The following USH2A variants were observed in gnomAD, a reference collection of about 807,000 sequenced individuals.
The protein encoded by USH2A is usherin, also known as Usher syndrome 2A (autosomal recessive, mild).
USH2A carries 443 observed loss-of-function variants against 538.9 expected under a neutral mutation model. The ratio of observed to expected loss-of-function variants is 0.82; its 90% confidence interval spans 0.76 to 0.89. USH2A has a LOEUF of 0.89. Among genes scored for constraint, USH2A ranks in the 40% least tolerant of loss-of-function variants. USH2A has a pLI of 0.00. For synonymous variants in USH2A, 2,413 were observed against 2,273.5 expected, an observed-to-expected ratio of 1.06 and a Z score of -1.75; for missense variants, 6,633 against 6,324.8, an observed-to-expected ratio of 1.05 and a Z score of -1.65.
intron 3 of USH2A, among the ~76,000 whole-genome samples, chr1:216,386,718 G>A (rs1007324565): frequency 1.3e-5 from 2 of 151,118 alleles, no homozygotes; most frequent in South Asian, 2.1e-4. Flanking sequence ...AGCCTGGCGT[G>A]GTGACGGGCA....
chr1:216,102,448 T>C (rs1379125314), intron 21 of USH2A, among the ~76,000 whole-genome samples: 1 of 151,528 alleles, frequency 6.6e-6, no homozygotes, highest in Non-Finnish European at 1.5e-5. Context: ...ACATGCAACA[T>C]TCATAAACTA....
intron 2 of USH2A, 46 bp from the exon 3 acceptor site, chr1:216,418,725 A>C: frequency 6.2e-7 from 1 of 1,604,474 alleles, no homozygotes; most frequent in Non-Finnish European, 8.5e-7. Flanking sequence ...CATCCAACCA[A>C]AAAGACATGC....
intron 11 of USH2A, among the ~76,000 whole-genome samples, chr1:216,269,194 G>C (rs73098664): frequency 1.8e-4 from 28 of 152,090 alleles, no homozygotes; most frequent in Non-Finnish European, 3.1e-4. Flanking sequence ...TATGTGTTGT[G>C]GGGGGAGACC....
chr1:216,065,921 T>A (rs1256136917), intron 30 of USH2A, among the ~76,000 whole-genome samples: 2 of 150,932 alleles, frequency 1.3e-5, no homozygotes, highest in East Asian at 1.9e-4. Flanking sequence ...TAAAATAAAA[T>A]AAAAAATAAA....
At position 216,247,073 on chromosome 1, in the gene USH2A, C is replaced by T. The variant is rs1558342019; in HGVS notation, c.2321G>A (p.Gly774Glu). 2.5e-6 allele frequency: 4 copies of T among 1,613,988 alleles called. No homozygotes were observed. The highest frequency in any genetic ancestry group is 1.1e-5 in the South Asian group (1 of 91,086). ...TTCTCTGCAGGTGTCACACTGAAGT[C>T]CTTTGGCTTCTTTTTTGCACTCACA... ...GQCECKKEAK[G>E]LQCDTCRENF... Residue 774 changes from glycine to glutamate, a missense_variant, in exon 13 of 72, where the codon GGA becomes GAA. Coordinates refer to ENST00000307340, the MANE Select transcript of USH2A (RefSeq NM_206933.4).
intron 58 of USH2A, among the ~76,000 whole-genome samples, chr1:215,752,055 T>C (rs1476343244): frequency 6.6e-6 from 1 of 152,150 alleles, no homozygotes; most frequent in Admixed American, 6.6e-5. Flanking sequence ...TGTTTGTCAT[T>C]AAAGAAGAAA....
At chr1:216,101,769 T>C (rs1268540149) in intron 21 of USH2A, among the ~76,000 whole-genome samples, 3 of 152,228 alleles carry the variant, frequency 2.0e-5, no homozygotes, top group Non-Finnish European at 2.9e-5. Context: ...GTTTAAACAA[T>C]AGAGCATTTC....
chr1:216,023,506 AT>A (rs1668894339), intron 32 of USH2A, among the ~76,000 whole-genome samples: 1 of 149,062 alleles, frequency 6.7e-6, no homozygotes, highest in Non-Finnish European at 1.5e-5. Flanking sequence ...GACACAAAAG[AT>A]AGAGTGAGAT....
At chr1:215,685,621 G>A (rs914905650) in intron 61 of USH2A, among the ~76,000 whole-genome samples, 2 of 152,014 alleles carry the variant, frequency 1.3e-5, no homozygotes, top group African/African-American at 4.8e-5. Context: ...GCCTCCCAAA[G>A]TGCTGGGATT....
At chr1:216,205,399 A>G (rs2035089108) in intron 16 of USH2A, among the ~76,000 whole-genome samples, 1 of 152,216 alleles carries the variant, frequency 6.6e-6, no homozygotes, top group Non-Finnish European at 1.5e-5. Context: ...TGCAATCTGC[A>G]TCATGAAGTT....
intron 36 of USH2A, among the ~76,000 whole-genome samples, chr1:215,967,130 A>G (rs1043783806): frequency 2.0e-5 from 3 of 152,206 alleles, no homozygotes; most frequent in Non-Finnish European, 2.9e-5. Context: ...ATTTGAGAGC[A>G]AATGTGCAAT....
chr1:216,203,488 C>A (rs114436354), intron 16 of USH2A, among the ~76,000 whole-genome samples: 1 of 151,962 alleles, frequency 6.6e-6, no homozygotes, highest in Non-Finnish European at 1.5e-5. Flanking sequence ...ACATTGTTGA[C>A]CATGAGTAAC....
At position 216,246,783 on chromosome 1, in the gene USH2A, T is replaced by C. The variant is rs1572088345; in HGVS notation, c.2611A>G (p.Lys871Glu). ...CAGCGAAGACCTGTTACCCCTAATT[T>C]GCAAGGACATTGTCCTGTTGATTTG... is the stretch of plus-strand genomic sequence containing the variant. ...CNKSTGQCPC[K>E]LGVTGLRCNQ... The change falls in exon 13 of 72, where the codon AAA becomes GAA. Residue 871 changes from lysine to glutamate, a missense_variant. Physicochemically the swap from Lys to Glu is moderately conservative, Grantham distance 56. Transcript: ENST00000307340. 1.9e-6 allele frequency: 3 copies of C among 1,614,142 alleles called. No individual in the cohort carries two copies. The highest frequency in any genetic ancestry group is 2.2e-5 in the East Asian group (1 of 44,880).
intron 47 of USH2A, among the ~76,000 whole-genome samples, chr1:215,824,547 C>T (rs936040028): frequency 1.3e-5 from 2 of 151,984 alleles, no homozygotes; most frequent in East Asian, 1.9e-4. Context: ...ACCTGTGGAG[C>T]AAAACTACTA....
At chr1:215,844,793 T>C (rs765165819) in intron 45 of USH2A, among the ~76,000 whole-genome samples, 18 of 152,206 alleles carry the variant, frequency 1.2e-4, no homozygotes, top group Non-Finnish European at 2.1e-4. Flanking sequence ...CTAACACTTA[T>C]CTATTTTTTG....
chr1:215,737,057 TC>T (rs1196021056), intron 60 of USH2A, among the ~76,000 whole-genome samples: 1 of 151,928 alleles, frequency 6.6e-6, no homozygotes, highest in Non-Finnish European at 1.5e-5. Flanking sequence ...AAATCACCTA[TC>T]TTGCCATCAT....
rs115764076 is a variant in USH2A at position 215,908,019 on chromosome 1, A to T, written c.7301-7114T>A. On this transcript the variant is annotated intron_variant, in intron 38 of 71. Transcript: ENST00000307340. ...GAAAAATATTTTTAACATAAGTGAG[A>T]TTAATTGCTTGGAGGTATTATCAAA... Among the ~76,000 whole-genome samples the T allele has an allele frequency of 3.9e-3, 594 of 152,182 alleles. 4 individuals carry two copies. The highest frequency in any genetic ancestry group is 0.014 in the African/African-American group (564 of 41,556).
Position 215,674,636 on chromosome 1 carries a change from C to A in USH2A, c.13275G>T (p.Thr4425=). The change falls in exon 63 of 72, where the codon ACG becomes ACT. Residue 4425 remains threonine (T), a synonymous_variant. Transcript: ENST00000307340. ...SQYNFSLVAC[T]NGGCTASVSK... is the part of the protein sequence containing the mutation. The stretch of plus-strand genomic sequence containing the variant: ...ACACACTAGCTGTGCAACCTCCATT[C>A]GTGCAGGCTACAAGGGAGAAGTTAT... The A allele has an allele frequency of 6.2e-7, 1 of 1,614,132 alleles. No homozygotes were observed. Among genetic ancestry groups the A allele is most frequent in the Non-Finnish European group, 8.5e-7 (1 of 1,180,030 alleles).
rs552864071 is a variant in USH2A at position 216,147,415 on chromosome 1, T to C, written c.4627+27837A>G. 5.8e-3 allele frequency among the ~76,000 whole-genome samples: 883 copies of C among 152,276 alleles called. 7 individuals carry two copies. The highest frequency in any genetic ancestry group is 0.02 in the African/African-American group (839 of 41,546). ...CTGGAGCTAAAGGCATAGTCAAGGT[T>C]AATGCTCCTTTTTCTTTATCCCAAA... On this transcript the variant is annotated intron_variant, in intron 21 of 71. Coordinates refer to ENST00000307340, the MANE Select transcript of USH2A (RefSeq NM_206933.4).
Sources: gnomAD v4.1 joint callset for allele counts (sites outside exome capture counted in the v4.1 genomes callset) on GRCh38, gnomAD v4.1.1 for gene constraint, MANE v1.5 for transcripts, NCBI Gene and HGNC (gene_info 2026-07-23, HGNC 2026-07-21) for gene names.